Variants in TAB2 observed in about 807,000 individuals in gnomAD.
TAB2 encodes the protein TGF-beta-activated kinase 1 and MAP3K7-binding protein 2.
In TAB2, 3 loss-of-function variants were observed where a neutral mutation model predicts 65.0. The observed-to-expected ratio is 0.05, with a 90% CI of 0.02 to 0.12. The LOEUF (loss-of-function observed/expected upper bound fraction) is 0.12. Ranked by LOEUF, TAB2 falls within the 10% of genes least tolerant of loss-of-function variation. TAB2 has a pLI of 1.00. For synonymous variants in TAB2, 298 were observed against 285.1 expected (o/e 1.05, Z -0.46); for missense variants, 623 against 840.3 (o/e 0.74, Z 3.20).
At chr6:149,259,821 T>C (rs538365563) in intron 1 of TAB2, among the ~76,000 whole-genome samples, 2 of 152,280 alleles carry the variant, frequency 1.3e-5, no homozygotes, top group African/African-American at 4.8e-5. Flanking sequence ...CCCCTTCCAC[T>C]CATCAGTGTC....
At chr6:149,353,832 A>G (rs1385282600) in intron 1 of TAB2, among the ~76,000 whole-genome samples, 1 of 152,108 alleles carries the variant, frequency 6.6e-6, no homozygotes, top group African/African-American at 2.4e-5. Context: ...CTTCAGGTGT[A>G]TATTTTATTT....
chr6:149,397,166 G>T (rs1782198924), intron 3 of TAB2, among the ~76,000 whole-genome samples: 1 of 152,214 alleles, frequency 6.6e-6, no homozygotes, highest in African/African-American at 2.4e-5. Flanking sequence ...ATTTGGCCAG[G>T]CACAGTGGCA....
intron 5 of TAB2, 23 bp from the exon 6 acceptor site, chr6:149,399,081 T>C (rs779473318): frequency 7.0e-6 from 11 of 1,581,248 alleles, no homozygotes; most frequent in African/African-American, 6.7e-5. Context: ...AGCATTGATA[T>C]ATTTACTTTT....
intron 1 of TAB2, among the ~76,000 whole-genome samples, chr6:149,351,136 A>G (rs991427474): frequency 3.3e-5 from 5 of 152,122 alleles, no homozygotes; most frequent in African/African-American, 1.2e-4. Flanking sequence ...CTCAGCCCAG[A>G]GAGATCCCTT....
intron 1 of TAB2, among the ~76,000 whole-genome samples, chr6:149,252,177 C>T (rs779025557): frequency 3.3e-5 from 5 of 151,852 alleles, no homozygotes; most frequent in Non-Finnish European, 5.9e-5. Context: ...GAGGCCGAGG[C>T]GGGTGGATCA....
intron 3 of TAB2, among the ~76,000 whole-genome samples, chr6:149,394,754 G>A (rs1360336230): frequency 6.6e-6 from 1 of 152,096 alleles, no homozygotes; most frequent in East Asian, 1.9e-4. Context: ...TTTATTTTGA[G>A]TCCTTTTATT....
chr6:149,309,688 C>G (rs1231798591), intron 1 of TAB2, among the ~76,000 whole-genome samples: 2 of 148,916 alleles, frequency 1.3e-5, no homozygotes, highest in African/African-American at 2.5e-5. Context: ...TGAGCCACCA[C>G]GCCTGCCCTC....
rs1322492100 is a variant in TAB2, at chr6:149,237,264, C to G, written c.-121+18488C>G. Among the ~76,000 whole-genome samples the G allele has an allele frequency of 2.0e-5, 3 of 152,094 alleles. No homozygotes were observed. The East Asian group carries it at 5.8e-4, about 29-fold the overall frequency. The stretch of plus-strand genomic sequence containing the variant: ...TATACAGAAGTTCATTTTTTTCTTC[C>G]TCTATTTTACTCATCCCTACTTGCT... On this transcript the variant is annotated intron_variant, in intron 1 of 1. Transcript: ENST00000606202.
At chr6:149,333,287 C>T (rs1168543780) in intron 1 of TAB2, among the ~76,000 whole-genome samples, 1 of 152,214 alleles carries the variant, frequency 6.6e-6, no homozygotes, top group African/African-American at 2.4e-5. Flanking sequence ...GCAGCGTCAC[C>T]AACCCAAGAT....
At chr6:149,264,282 G>A (rs930449791) in intron 1 of TAB2, among the ~76,000 whole-genome samples, 32 of 152,242 alleles carry the variant, frequency 2.1e-4, no homozygotes, top group African/African-American at 7.7e-4. Context: ...TGTGTGCCAG[G>A]GTCCCTGACA....
chr6:149,291,547 T>C (rs1480931236), intron 1 of TAB2: 1 of 152,314 alleles, frequency 6.6e-6, no homozygotes, highest in African/African-American at 2.4e-5. Flanking sequence ...CTACCCAGGC[T>C]GGAAATGAAG....
chr6:149,228,725 C>G (rs1014856430), intron 1 of TAB2, among the ~76,000 whole-genome samples: 4 of 152,256 alleles, frequency 2.6e-5, no homozygotes, highest in South Asian at 2.1e-4. Context: ...TTTGTCAAAG[C>G]TCTCTCTAAA....
At chr6:149,371,677 T>C (rs941094577) in intron 2 of TAB2, among the ~76,000 whole-genome samples, 3 of 152,132 alleles carry the variant, frequency 2.0e-5, no homozygotes, top group African/African-American at 7.2e-5. Context: ...TTTGACAATG[T>C]AGATAAAACA....
chr6:149,399,238 G>C, intron 6 of TAB2, 54 bp downstream of exon 6: 1 of 1,501,102 alleles, frequency 6.7e-7, no homozygotes, highest in Non-Finnish European at 9.2e-7. Flanking sequence ...CAAAATTTTA[G>C]AAAATTTTTC....
At chr6:149,302,306 C>T (rs1272422538) in intron 1 of TAB2, among the ~76,000 whole-genome samples, 1 of 152,114 alleles carries the variant, frequency 6.6e-6, no homozygotes, top group Non-Finnish European at 1.5e-5. Context: ...CTTAGACTTA[C>T]TTATAAATTT....
At chr6:149,218,133 T>C (rs1226528988), upstream of TAB2, 5 of 152,322 alleles carry the variant, frequency 3.3e-5, no homozygotes, top group Non-Finnish European at 5.9e-5. Flanking sequence ...TCAGTGATGA[T>C]TTGTTAGTCT....
chr6:149,359,201 GTTAT>G (rs1562433013), intron 1 of TAB2, among the ~76,000 whole-genome samples: 1 of 152,048 alleles, frequency 6.6e-6, no homozygotes, highest in Non-Finnish European at 1.5e-5. Context: ...TCAACATGAT[GTTAT>G]TTGTTTTTCA....
chr6:149,404,192 AAAG>A (rs1157744697), intron 6 of TAB2, among the ~76,000 whole-genome samples: 1 of 152,346 alleles, frequency 6.6e-6, no homozygotes, highest in African/African-American at 2.4e-5. Flanking sequence ...AACTATCAAA[AAAG>A]GAGATCAAGA....
chr6:149,410,962 T>C lies in TAB2; in HGVS notation c.*1243T>C, dbSNP rs951668094. ...TAATCCTGACTTGGTGACAGTATCA[T>C]GTGTATTTATAAAACAAGGCTAGCC... On this transcript the variant is annotated 3_prime_UTR_variant, in exon 7 of 7. Transcript: ENST00000637181. The C allele has an allele frequency of 6.6e-6, 1 of 152,428 alleles. No homozygotes were observed. The highest frequency in any genetic ancestry group is 2.4e-5 in the African/African-American group (1 of 41,392). 9.4% of individuals were successfully genotyped at this position (152,428 alleles called of 1,614,324 possible).
Sources: allele counts gnomAD v4.1 joint callset (sites outside exome capture counted in the v4.1 genomes callset), GRCh38; gene constraint gnomAD v4.1.1; transcripts MANE v1.5; gene names NCBI Gene and HGNC (gene_info 2026-07-23, HGNC 2026-07-21).